DLK2: variants seen among roughly 807,000 people sequenced by gnomAD.
DLK2 encodes the protein protein delta homolog 2.
DLK2 carries 9 observed loss-of-function variants against 31.3 expected under a neutral mutation model. The ratio of observed to expected loss-of-function variants is 0.29; its 90% CI spans 0.17 to 0.50. The LOEUF is 0.50. Among genes scored for constraint, DLK2 ranks in the 20% least tolerant of loss-of-function variants. The pLI is 0.98. For missense variants in DLK2, 387 were observed against 526.1 expected (o/e 0.74, Z 2.59); for synonymous variants, 169 against 201.2 (o/e 0.84, Z 1.35).
Position 43,450,867 on chromosome 6 carries a change from G to A in DLK2, c.824C>T (p.Thr275Met), listed in dbSNP as rs372670624. Residue 275 changes from threonine (T) to methionine (M), a missense_variant, in exon 6 of 6, where the codon ACG becomes ATG. Transcript: ENST00000372488. The surrounding 1 kb of genome is among the most constrained non-coding windows in gnomAD (Gnocchi z 4.5). ...GPTSAVVVPATGPAPHSAGAG... is the reference protein window; with the variant it reads ...GPTSAVVVPAMGPAPHSAGAG... ...CCCTGCGCTGTGGGGGGCTGGCCCC[G>A]TGGCAGGTACCACTACAGCTGAGGT... 3.5e-5 allele frequency: 57 copies of A among 1,614,196 alleles called. No homozygotes were observed. Among genetic ancestry groups the A allele is most frequent in the Non-Finnish European group, 4.2e-5 (50 of 1,180,016 alleles).
intron 3 of DLK2, among the ~76,000 whole-genome samples, chr6:43,454,198 C>A (rs1440135885): frequency 6.6e-6 from 1 of 152,072 alleles, no homozygotes; most frequent in Non-Finnish European, 1.5e-5. Context: ...TCAGACAATC[C>A]CTGGATCAGA....
Position 43,454,846 on chromosome 6 carries a change from G to GGGAC in DLK2, c.-25_-22dup. The GGGAC allele has an allele frequency of 1.3e-6, 2 of 1,540,154 alleles. No individual in the cohort carries two copies. Among genetic ancestry groups the GGGAC allele is most frequent in the South Asian group, 1.2e-5 (1 of 84,098 alleles). On this transcript the variant is annotated 5_prime_UTR_variant, in exon 2 of 6. Transcript: ENST00000372488. ...GGCATGGTCAGCGCCGGCCCCAGGAGGGACGGACGGATGGACGGCCGGACG... is the reference window on the plus strand; with the variant it reads ...GGCATGGTCAGCGCCGGCCCCAGGAGGGACGGACGGACGGATGGACGGCCGGACG...
intron 2 of DLK2, 25 bp from the exon 3 acceptor site, chr6:43,454,499 G>T (rs1168374814): frequency 6.3e-7 from 1 of 1,576,486 alleles, no homozygotes. Context: ...TGTGGGAGGG[G>T]TGAGTCTGAG....
At chr6:43,452,627 A>C (rs1370506234) in intron 4 of DLK2, among the ~76,000 whole-genome samples, 1 of 151,960 alleles carries the variant, frequency 6.6e-6, no homozygotes, top group African/African-American at 2.4e-5. Flanking sequence ...CACGAGAATC[A>C]CTTGAACCCA....
rs1215781275 is a variant in DLK2, at chr6:43,450,807, A to G, written c.884T>C (p.Val295Ala). Residue 295 changes from valine to alanine, a missense_variant, in exon 6 of 6, where the codon GTG (valine) becomes GCG (alanine). Physicochemically the swap from Val to Ala is moderately conservative, Grantham distance 64. Coordinates refer to ENST00000372488, the MANE Select transcript of DLK2 (RefSeq NM_023932.4). The surrounding 1 kb of genome is among the most constrained non-coding windows in gnomAD (Gnocchi z 4.5). ...GLLRISVKEV[V>A]RRQEAGLGEP... ...ACCTAGCCCAGCCTCTTGCCTCCGCACCACCTCCTTCACTGAGATCCGCAG... is the reference window on the plus strand; with the variant it reads ...ACCTAGCCCAGCCTCTTGCCTCCGCGCCACCTCCTTCACTGAGATCCGCAG... The G allele has an allele frequency of 6.2e-7, 1 of 1,614,138 alleles. No individual in the cohort carries two copies. The highest frequency in any genetic ancestry group is 1.7e-5 in the Admixed American group (1 of 60,020).
At chr6:43,456,093 C>T (rs1783974149), upstream of DLK2, 1 of 152,386 alleles carries the variant, frequency 6.6e-6, no homozygotes, top group African/African-American at 2.4e-5. Flanking sequence ...TAAATATCAA[C>T]CCGATCCACC....
In DLK2 at chr6:43,453,257, G is replaced by T. The variant is rs1783843303; in HGVS notation, c.141-122C>A. 9 of 1,314,894 alleles carry T rather than the reference G, an allele frequency of 6.8e-6. No homozygotes were observed. The highest frequency in any genetic ancestry group is 9.1e-6 in the Non-Finnish European group (9 of 988,706). 81.5% of individuals were successfully genotyped at this position (1,314,894 alleles called of 1,614,324 possible). A position where few individuals can be genotyped will look rare whatever the true frequency, so the allele number is the denominator to read the frequency against. On this transcript the variant is annotated intron_variant, in intron 3 of 5. Transcript: ENST00000372488. This position sits in a 1 kb window ranked among gnomAD's most constrained non-coding sequence, Gnocchi z 4.1. ...ACAGCCCCTAAGGGAAAGCAGACCT[G>T]TCCCAGGTAGGTGTAGGACTGTGCA... is the stretch of plus-strand genomic sequence containing the variant.
chr6:43,451,268 T>G lies in DLK2; in HGVS notation c.423A>C (p.Pro141=). The G allele has an allele frequency of 6.2e-7, 1 of 1,613,642 alleles. No individual in the cohort carries two copies. Among genetic ancestry groups the G allele is most frequent in the Non-Finnish European group, 8.5e-7 (1 of 1,179,772 alleles). Reference sequence around the variant, plus strand: ...CCTGGCACTGCCCGCCATTGCGGCATGGGGAGCTGTGGTAGGGGTGAGAGA... The same window carrying G: ...CCTGGCACTGCCCGCCATTGCGGCAGGGGGAGCTGTGGTAGGGGTGAGAGA... ...KAGPCEQAGS[P]CRNGGQCQDD... is the part of the protein sequence containing the mutation. The change falls in exon 6 of 6, where the codon CCA becomes CCC. Residue 141 remains proline (P), a synonymous_variant. Coordinates refer to ENST00000372488, the MANE Select transcript of DLK2 (RefSeq NM_023932.4). This position sits in a 1 kb window ranked among gnomAD's most constrained non-coding sequence, Gnocchi z 4.4.
Position 43,453,241 on chromosome 6 carries a change from A to C in DLK2, c.141-106T>G. 1 of 1,411,504 alleles carries C rather than the reference A, an allele frequency of 7.1e-7. No homozygotes were observed. Among genetic ancestry groups the C allele is most frequent in the Non-Finnish European group, 9.4e-7 (1 of 1,069,180 alleles). 87.4% of individuals were successfully genotyped at this position (1,411,504 alleles called of 1,614,324 possible). A position where few individuals can be genotyped will look rare whatever the true frequency, so the allele number is the denominator to read the frequency against. On this transcript the variant is annotated intron_variant, in intron 3 of 5. Coordinates refer to ENST00000372488, the MANE Select transcript of DLK2 (RefSeq NM_023932.4). The surrounding 1 kb of genome is among the most constrained non-coding windows in gnomAD (Gnocchi z 4.1). ...ACCAAGAGGACATATGACAGCCCCTAAGGGAAAGCAGACCTGTCCCAGGTA... is the reference window on the plus strand; with the variant it reads ...ACCAAGAGGACATATGACAGCCCCTCAGGGAAAGCAGACCTGTCCCAGGTA...
Position 43,451,772 on chromosome 6 carries a change from TGAG to T in DLK2, c.416+165_416+167del, listed in dbSNP as rs1288568709. 16 of 961,336 alleles carry T rather than the reference TGAG, an allele frequency of 1.7e-5. No individual in the cohort carries two copies. Among genetic ancestry groups the T allele is most frequent in the Non-Finnish European group, 2.0e-5 (16 of 808,344 alleles). 59.6% of individuals were successfully genotyped at this position (961,336 alleles called of 1,614,324 possible). A position where few individuals can be genotyped will look rare whatever the true frequency, so the allele number is the denominator to read the frequency against. On this transcript the variant is annotated intron_variant, in intron 5 of 5. Transcript: ENST00000372488. The surrounding 1 kb of genome is among the most constrained non-coding windows in gnomAD (Gnocchi z 4.4). ...GCTCAGAAGGTACAAAAAAAAAAGTTGAGAAACCCTGAACTAGGAACACTTTGG... is the reference window on the plus strand; with the variant it reads ...GCTCAGAAGGTACAAAAAAAAAAGTTAAACCCTGAACTAGGAACACTTTGG...
chr6:43,454,538 C>A, intron 2 of DLK2, 64 bp from the exon 3 acceptor site: 4 of 1,502,020 alleles, frequency 2.7e-6, no homozygotes, highest in Non-Finnish European at 3.6e-6. Context: ...GGATGCGGGA[C>A]TCAGGAGAGG....
rs1783728552 is a variant in DLK2 at position 43,451,444 on chromosome 6, G to A, written c.417-170C>T. Among the ~76,000 whole-genome samples the A allele has an allele frequency of 6.6e-6, 1 of 152,228 alleles. No individual in the cohort carries two copies. On this transcript the variant is annotated intron_variant, in intron 5 of 5. Coordinates refer to ENST00000372488, the MANE Select transcript of DLK2 (RefSeq NM_023932.4). This position sits in a 1 kb window ranked among gnomAD's most constrained non-coding sequence, Gnocchi z 4.4. The stretch of plus-strand genomic sequence containing the variant: ...AAAATAGTACCCAGCTTCCCTAATT[G>A]TGAGGGTTGAGTGAAATAATCAATG...
intron 1 of DLK2, 81 bp from the exon 2 acceptor site, chr6:43,454,961 G>A (rs1250261513): frequency 4.1e-6 from 6 of 1,465,542 alleles, no homozygotes; most frequent in Non-Finnish European, 5.4e-6. Flanking sequence ...AGGAGCCGAC[G>A]AGGGAGAGGG....
At position 43,450,840 on chromosome 6, in the gene DLK2, G is replaced by T; in HGVS notation, c.851C>A (p.Ala284Asp). The change falls in exon 6 of 6, where the codon GCT becomes GAT. Residue 284 changes from alanine (A) to aspartate (D), a missense_variant. Physicochemically the swap from Ala to Asp is moderately radical, Grantham distance 126. Transcript: ENST00000372488. The surrounding 1 kb of genome is among the most constrained non-coding windows in gnomAD (Gnocchi z 4.5). The part of the protein sequence containing the change: ...ATGPAPHSAG[A>D]GLLRISVKEV... ...CTTCACTGAGATCCGCAGCAGACCA[G>T]CCCCTGCGCTGTGGGGGGCTGGCCC... 6.2e-7 allele frequency: 1 copy of T among 1,614,186 alleles called. No homozygotes were observed. The highest frequency in any genetic ancestry group is 8.5e-7 in the Non-Finnish European group (1 of 1,180,018).
Position 43,450,689 on chromosome 6 carries a change from C to T in DLK2, c.1002G>A (p.Arg334=). The T allele has an allele frequency of 1.7e-5, 27 of 1,613,968 alleles. No individual in the cohort carries two copies. Among genetic ancestry groups the T allele is most frequent in the Non-Finnish European group, 2.2e-5 (26 of 1,179,912 alleles). Residue 334 remains arginine (R), a synonymous_variant, in exon 6 of 6, where the codon CGG becomes CGA. Coordinates refer to ENST00000372488, the MANE Select transcript of DLK2 (RefSeq NM_023932.4). The surrounding 1 kb of genome is among the most constrained non-coding windows in gnomAD (Gnocchi z 4.5). ...AACAGGGTCCAGGGGGGCAGACACC[C>T]CGGCGCCAGGCCCTCAGGGTCAGCA... ...TVLLTLRAWR[R]GVCPPGPCCY...
chr6:43,452,066 G>T lies in DLK2; in HGVS notation c.290C>A (p.Thr97Lys), dbSNP rs147898599. Residue 97 changes from threonine (T) to lysine (K), a missense_variant, in exon 5 of 6, where the codon ACG becomes AAG. Physicochemically the swap from Thr to Lys is moderately conservative, Grantham distance 78. Coordinates refer to ENST00000372488, the MANE Select transcript of DLK2 (RefSeq NM_023932.4). ...FCDKDEHICT[T>K]QSPCQNGGQC... ...GCCTCCATTCTGGCAGGGGGACTGC[G>T]TGGTACAGATATGTTCATCTGGAGA... The T allele has an allele frequency of 6.2e-7, 1 of 1,614,258 alleles. No homozygotes were observed. The highest frequency in any genetic ancestry group is 8.5e-7 in the Non-Finnish European group (1 of 1,180,052).
chr6:43,455,832 C>T (rs529590935), upstream of DLK2, among the ~76,000 whole-genome samples: 28 of 152,214 alleles, frequency 1.8e-4, no homozygotes, highest in Admixed American at 1.8e-3. Context: ...TGCCCACTTT[C>T]CCGACCAGCG....
chr6:43,454,715 C>A, intron 2 of DLK2, 35 bp downstream of exon 2: 1 of 1,539,376 alleles, frequency 6.5e-7, no homozygotes. Flanking sequence ...GACGGCTGGA[C>A]AGGGCCGCGA....
At chr6:43,452,939 A>G in intron 4 of DLK2, 66 bp downstream of exon 4, 2 of 1,600,522 alleles carry the variant, frequency 1.2e-6, no homozygotes, top group Non-Finnish European at 1.7e-6. Flanking sequence ...CACTCAATAA[A>G]TACTGATGGC....
Sources: allele counts gnomAD v4.1 joint callset (sites outside exome capture counted in the v4.1 genomes callset), GRCh38; gene constraint gnomAD v4.1.1; non-coding constraint Gnocchi (gnomAD v3.1); transcripts MANE v1.5; gene names NCBI Gene and HGNC (gene_info 2026-07-23, HGNC 2026-07-21).